The following RBFOX1 variants were observed in gnomAD, a reference collection of about 807,000 sequenced individuals.
RBFOX1 encodes RNA binding fox-1 homolog 1, also known as RNA binding protein fox-1 homolog 1.
In RBFOX1, 8 loss-of-function variants were observed where a neutral mutation model predicts 57.7. The observed-to-expected ratio is 0.14, with a 90% CI of 0.08 to 0.25. The LOEUF is 0.25. RBFOX1 is among the 10% of genes least tolerant of loss of function. The pLI is 1.00. For synonymous variants in RBFOX1, 326 were observed against 222.4 expected, an observed-to-expected ratio of 1.47 and a Z score of -4.15; for missense variants, 611 against 548.5, an observed-to-expected ratio of 1.11 and a Z score of -1.14.
chr16:7,424,755 A>G (rs972415556), intron 4 of RBFOX1, among the ~76,000 whole-genome samples: 1 of 152,230 alleles, frequency 6.6e-6, no homozygotes, highest in Non-Finnish European at 1.5e-5. Flanking sequence ...TTATCCTAAA[A>G]GCAAGCAAAC....
At chr16:7,165,410 G>T (rs115514789) in intron 4 of RBFOX1, among the ~76,000 whole-genome samples, 2 of 25,100 alleles carry the variant, frequency 8.0e-5, no homozygotes, top group African/African-American at 1.2e-4. Flanking sequence ...TAATAATAAT[G>T]ATAATAATCA....
chr16:7,686,859 A>G (rs1277528689), intron 14 of RBFOX1, among the ~76,000 whole-genome samples: 1 of 152,114 alleles, frequency 6.6e-6, no homozygotes, highest in Non-Finnish European at 1.5e-5. Flanking sequence ...AACTAAAATG[A>G]CAAAAGGGAA....
intron 3 of RBFOX1, among the ~76,000 whole-genome samples, chr16:6,970,046 C>T (rs986851555): frequency 6.6e-6 from 1 of 151,810 alleles, no homozygotes; most frequent in African/African-American, 2.4e-5. Context: ...GGCATGGTGG[C>T]ATACACCTGT....
intron 2 of RBFOX1, among the ~76,000 whole-genome samples, chr16:6,324,679 C>T (rs184855629): frequency 4.7e-4 from 71 of 152,312 alleles, no homozygotes; most frequent in African/African-American, 1.6e-3. Context: ...TGGCTCACTT[C>T]TGACGTTGAG....
chr16:7,438,736 G>A (rs551474963), intron 4 of RBFOX1, among the ~76,000 whole-genome samples: 10 of 152,284 alleles, frequency 6.6e-5, no homozygotes, highest in African/African-American at 2.4e-4. Context: ...TTGAGCTGAG[G>A]CTATGGTTCA....
chr16:7,330,469 G>GCT (rs1317394700), intron 4 of RBFOX1, among the ~76,000 whole-genome samples: 1 of 103,304 alleles, frequency 9.7e-6, no homozygotes, highest in Admixed American at 9.2e-5. Flanking sequence ...AATATGGAGA[G>GCT]CTCTGTGTGT....
At chr16:5,868,857 G>A (rs1045504318) in intron 4 of RBFOX1, among the ~76,000 whole-genome samples, 3 of 152,158 alleles carry the variant, frequency 2.0e-5, no homozygotes, top group Admixed American at 6.5e-5. Flanking sequence ...AAATGGCAAC[G>A]GCAGTGTTTC....
chr16:5,499,352 ACT>A (rs1289411394), intron 2 of RBFOX1, among the ~76,000 whole-genome samples: 1 of 151,454 alleles, frequency 6.6e-6, no homozygotes, highest in Non-Finnish European at 1.5e-5. Flanking sequence ...TGTTGGTAGA[ACT>A]CTCTCTGTCC....
intron 2 of RBFOX1, among the ~76,000 whole-genome samples, chr16:6,321,345 A>G (rs1168047983): frequency 1.3e-5 from 2 of 152,206 alleles, no homozygotes; most frequent in South Asian, 2.1e-4. Context: ...GGGCTAGGTC[A>G]GAAGTGTCCG....
chr16:7,294,097 C>T (rs1603537641), intron 4 of RBFOX1, among the ~76,000 whole-genome samples: 1 of 152,132 alleles, frequency 6.6e-6, no homozygotes, highest in African/African-American at 2.4e-5. Flanking sequence ...TGTTTGCCTT[C>T]AGGTTTGCTT....
intron 3 of RBFOX1, among the ~76,000 whole-genome samples, chr16:6,927,302 A>G (rs1332877407): frequency 2.7e-5 from 4 of 149,756 alleles, no homozygotes; most frequent in Non-Finnish European, 4.4e-5. Context: ...AGTATCAGCT[A>G]CTTGGGAGGT....
intron 3 of RBFOX1, among the ~76,000 whole-genome samples, chr16:6,682,680 C>A (rs2058834388): frequency 6.6e-6 from 1 of 151,830 alleles, no homozygotes; most frequent in African/African-American, 2.4e-5. Context: ...TAGATGCCGC[C>A]ATGTGTCCCC....
chr16:6,114,860 C>T (rs112654195), intron 1 of RBFOX1, among the ~76,000 whole-genome samples: 182 of 152,252 alleles, frequency 1.2e-3, no homozygotes, highest in African/African-American at 4.1e-3. Context: ...TGGCTCCTTG[C>T]AGAGGAGGGC....
intron 3 of RBFOX1, among the ~76,000 whole-genome samples, chr16:5,679,270 T>C (rs1427478511): frequency 6.6e-6 from 1 of 152,148 alleles, no homozygotes; most frequent in Non-Finnish European, 1.5e-5. Flanking sequence ...AGGTGAGCAC[T>C]AAATAATATG....
chr16:5,839,696 C>T (rs2056567549), intron 3 of RBFOX1, among the ~76,000 whole-genome samples: 1 of 150,988 alleles, frequency 6.6e-6, no homozygotes. Flanking sequence ...TCCTCATCCA[C>T]ATATTTGTAG....
intron 2 of RBFOX1, among the ~76,000 whole-genome samples, chr16:6,536,334 T>C (rs1240444356): frequency 6.6e-6 from 1 of 152,240 alleles, no homozygotes. Flanking sequence ...CTTTGCAATT[T>C]ATGTTTTTAC....
intron 3 of RBFOX1, among the ~76,000 whole-genome samples, chr16:5,811,061 G>A (rs1057151459): frequency 2.0e-5 from 3 of 150,936 alleles, no homozygotes; most frequent in Admixed American, 1.3e-4. Context: ...ATCCTCCTCA[G>A]ACAACCACTG....
intron 2 of RBFOX1, among the ~76,000 whole-genome samples, chr16:6,625,683 T>C (rs1007620830): frequency 6.6e-6 from 1 of 151,650 alleles, no homozygotes; most frequent in African/African-American, 2.4e-5. Context: ...ATCTGCCTTA[T>C]CAGTATCTCT....
intron 3 of RBFOX1, among the ~76,000 whole-genome samples, chr16:6,784,518 C>G (rs8045508): frequency 0.14 from 21,519 of 151,996 alleles, 1,843 homozygotes; most frequent in Admixed American, 0.23. Context: ...AATTCCTCTT[C>G]TATGTTATCT....
Sources: gnomAD v4.1 joint callset for allele counts (sites outside exome capture counted in the v4.1 genomes callset) on GRCh38, gnomAD v4.1.1 for gene constraint, MANE v1.5 for transcripts, NCBI Gene and HGNC (gene_info 2026-07-23, HGNC 2026-07-21) for gene names.